GABBR2: variants seen among roughly 807,000 people sequenced by gnomAD.
GABBR2 encodes gamma-aminobutyric acid type B receptor subunit 2, also known as G-protein coupled receptor 51.
In GABBR2, 23 loss-of-function variants were observed where a neutral mutation model predicts 105.6. That is an observed-to-expected ratio of 0.22 (90% CI 0.16 to 0.31). GABBR2 has a LOEUF of 0.31. Ranked by LOEUF, GABBR2 falls within the 10% of genes least tolerant of loss-of-function variation. GABBR2 has a pLI of 1.00. For synonymous variants in GABBR2, 478 were observed against 499.7 expected, an observed-to-expected ratio of 0.96 and a Z score of 0.58; for missense variants, 734 against 1,245.5, an observed-to-expected ratio of 0.59 and a Z score of 6.18.
At chr9:98,544,235 T>C (rs1269786594) in intron 2 of GABBR2, among the ~76,000 whole-genome samples, 2 of 152,180 alleles carry the variant, frequency 1.3e-5, no homozygotes, top group Non-Finnish European at 2.9e-5. Context: ...CTAAAGTTGC[T>C]TTACCGCTTC....
chr9:98,625,870 G>A (rs1025930518), intron 1 of GABBR2, among the ~76,000 whole-genome samples: 5 of 152,192 alleles, frequency 3.3e-5, no homozygotes, highest in African/African-American at 1.2e-4. Context: ...CTGAGACTCA[G>A]GGAGGCGAAG....
chr9:98,476,844 T>C (rs1259195548), intron 5 of GABBR2, among the ~76,000 whole-genome samples: 1 of 152,224 alleles, frequency 6.6e-6, no homozygotes, highest in Non-Finnish European at 1.5e-5. Context: ...GCTTTTAAAC[T>C]GCTATAGACT....
intron 8 of GABBR2, among the ~76,000 whole-genome samples, chr9:98,404,935 T>C (rs1832462913): frequency 6.6e-6 from 1 of 152,158 alleles, no homozygotes; most frequent in Non-Finnish European, 1.5e-5. Context: ...GAAGACATCG[T>C]TGAGATGATC....
At chr9:98,341,250 A>G (rs1220913347) in intron 13 of GABBR2, among the ~76,000 whole-genome samples, 1 of 152,220 alleles carries the variant, frequency 6.6e-6, no homozygotes, top group Non-Finnish European at 1.5e-5. Flanking sequence ...CTGGGCCCAG[A>G]CACATCTGTG....
chr9:98,668,883 TTGTGTGTGTGTG>T (rs35341252), intron 1 of GABBR2, among the ~76,000 whole-genome samples: 13 of 147,712 alleles, frequency 8.8e-5, no homozygotes, highest in South Asian at 4.4e-4. Context: ...ATATTCCATT[TTGTGTGTGTGTG>T]TGTGTGTGTG....
intron 11 of GABBR2, among the ~76,000 whole-genome samples, chr9:98,378,574 T>C (rs1185590207): frequency 6.6e-6 from 1 of 152,096 alleles, no homozygotes; most frequent in Non-Finnish European, 1.5e-5. Context: ...CCAAGTGCGG[T>C]CTGGGGATGT....
At chr9:98,316,573 G>A (rs1830722438) in intron 13 of GABBR2, among the ~76,000 whole-genome samples, 1 of 152,062 alleles carries the variant, frequency 6.6e-6, no homozygotes, top group Non-Finnish European at 1.5e-5. Flanking sequence ...TACTGTTCTG[G>A]GCATGCAGCA....
chr9:98,567,023 C>A (rs1004442499), intron 2 of GABBR2, among the ~76,000 whole-genome samples: 1 of 152,142 alleles, frequency 6.6e-6, no homozygotes, highest in Admixed American at 6.5e-5. Flanking sequence ...TTTCTAGATG[C>A]AATCTGTAAT....
chr9:98,310,974 C>T, intron 14 of GABBR2, 121 bp downstream of exon 14: 1 of 627,736 alleles, frequency 1.6e-6, no homozygotes, highest in South Asian at 1.9e-5. Context: ...ACTGAGTCCA[C>T]AGAGAGTAAC....
chr9:98,342,746 T>C (rs1380072986), intron 13 of GABBR2, among the ~76,000 whole-genome samples: 1 of 152,212 alleles, frequency 6.6e-6, no homozygotes, highest in Admixed American at 6.5e-5. Flanking sequence ...AGTGTGACCC[T>C]TAGCATCCAA....
At chr9:98,363,119 G>A (rs1831616500) in intron 12 of GABBR2, among the ~76,000 whole-genome samples, 1 of 152,136 alleles carries the variant, frequency 6.6e-6, no homozygotes, top group Non-Finnish European at 1.5e-5. Context: ...CACCCTCCAG[G>A]TCTCTGTAGG....
intron 1 of GABBR2, among the ~76,000 whole-genome samples, chr9:98,648,800 A>G (rs1392375356): frequency 6.6e-6 from 1 of 152,194 alleles, no homozygotes; most frequent in African/African-American, 2.4e-5. Flanking sequence ...CCCCTTCCCC[A>G]GAGGACTCAG....
chr9:98,395,087 G>A (rs945944511), intron 8 of GABBR2, among the ~76,000 whole-genome samples: 3 of 152,152 alleles, frequency 2.0e-5, no homozygotes, highest in South Asian at 2.1e-4. Flanking sequence ...TTTGGTCATC[G>A]TCAAGGATAA....
At chr9:98,700,925 C>T (rs1410207469) in intron 1 of GABBR2, among the ~76,000 whole-genome samples, 1 of 152,186 alleles carries the variant, frequency 6.6e-6, no homozygotes, top group Admixed American at 6.5e-5. Context: ...CCCAGGACGA[C>T]CTCTGACACA....
intron 7 of GABBR2, among the ~76,000 whole-genome samples, chr9:98,453,245 C>T (rs1269439488): frequency 2.6e-5 from 4 of 152,318 alleles, no homozygotes; most frequent in East Asian, 3.9e-4. Context: ...AGGCTGCTCT[C>T]GAACTCCTAA....
At chr9:98,668,164 A>G (rs1830360735) in intron 1 of GABBR2, among the ~76,000 whole-genome samples, 1 of 152,170 alleles carries the variant, frequency 6.6e-6, no homozygotes, top group African/African-American at 2.4e-5. Flanking sequence ...TCTTTTGGCC[A>G]CAGTCGACTT....
At chr9:98,389,670 G>T (rs1832143912) in intron 9 of GABBR2, among the ~76,000 whole-genome samples, 1 of 152,204 alleles carries the variant, frequency 6.6e-6, no homozygotes, top group Admixed American at 6.5e-5. Context: ...GAGGTGCGCT[G>T]CTCATTCTTC....
intron 1 of GABBR2, 55 bp downstream of exon 1, chr9:98,708,362 C>G: frequency 1.5e-6 from 2 of 1,302,632 alleles, no homozygotes; most frequent in Non-Finnish European, 2.0e-6. Flanking sequence ...TGTGTCCAAA[C>G]CACCCACCCC....
At chr9:98,462,004 G>A (rs934303765) in intron 6 of GABBR2, among the ~76,000 whole-genome samples, 2 of 152,150 alleles carry the variant, frequency 1.3e-5, no homozygotes, top group African/African-American at 4.8e-5. Context: ...TTCTCACCAG[G>A]CCCTACCTCC....
Sources: gnomAD v4.1 joint callset for allele counts (sites outside exome capture counted in the v4.1 genomes callset) on GRCh38, gnomAD v4.1.1 for gene constraint, MANE v1.5 for transcripts, NCBI Gene and HGNC (gene_info 2026-07-23, HGNC 2026-07-21) for gene names.